PPFIA2: variants seen among roughly 807,000 people sequenced by gnomAD.
PPFIA2 encodes PPFI scaffold protein A2, also known as liprin-alpha-2.
PPFIA2 carries 46 observed loss-of-function variants against 175.5 expected under a neutral mutation model. That is an observed-to-expected ratio of 0.26 (90% CI 0.21 to 0.34). The LOEUF (loss-of-function observed/expected upper bound fraction) is 0.34. PPFIA2 is among the 10% of genes least tolerant of loss of function. The pLI, the probability that PPFIA2 is intolerant of heterozygous loss-of-function variation, is 1.00. For missense variants in PPFIA2, 1,179 were observed against 1,506.1 expected (o/e 0.78, Z 3.60); for synonymous variants, 568 against 511.4 (o/e 1.11, Z -1.49).
intron 8 of PPFIA2, among the ~76,000 whole-genome samples, chr12:81,386,552 G>A (rs968902971): frequency 6.6e-6 from 1 of 151,494 alleles, no homozygotes; most frequent in African/African-American, 2.4e-5. Flanking sequence ...AGCCCAGAAG[G>A]TCCAGGTTGT....
chr12:81,584,316 T>A (rs969850770), intron 4 of PPFIA2, among the ~76,000 whole-genome samples: 3 of 151,916 alleles, frequency 2.0e-5, no homozygotes, highest in Non-Finnish European at 4.4e-5. Flanking sequence ...TAATGTATAA[T>A]ATTTTATTTA....
At chr12:81,342,373 A>G (rs997498269) in intron 19 of PPFIA2, among the ~76,000 whole-genome samples, 6 of 152,114 alleles carry the variant, frequency 3.9e-5, no homozygotes. Flanking sequence ...TAGTATGGCT[A>G]AACAAAAATT....
At chr12:81,530,408 TCTC>T (rs2064344739) in intron 4 of PPFIA2, among the ~76,000 whole-genome samples, 1 of 151,874 alleles carries the variant, frequency 6.6e-6, no homozygotes, top group Non-Finnish European at 1.5e-5. Context: ...TTAAATACTC[TCTC>T]CTAAGAGCCA....
chr12:81,493,702 A>G (rs1042766161), intron 4 of PPFIA2, among the ~76,000 whole-genome samples: 1 of 148,534 alleles, frequency 6.7e-6, no homozygotes, highest in African/African-American at 2.5e-5. Flanking sequence ...GAAGGTAACT[A>G]GTAGCACAGA....
At chr12:81,629,245 T>G (rs2063085489) in intron 4 of PPFIA2, among the ~76,000 whole-genome samples, 1 of 152,140 alleles carries the variant, frequency 6.6e-6, no homozygotes, top group African/African-American at 2.4e-5. Flanking sequence ...TGAATGAGCT[T>G]CAATATTATA....
At chr12:81,302,818 T>C in intron 22 of PPFIA2, 1 of 347,158 alleles carries the variant, frequency 2.9e-6, no homozygotes, top group East Asian at 7.6e-5. Flanking sequence ...ATAAAAGGCA[T>C]ATATCTAGGC....
chr12:81,502,417 T>C (rs981012006), intron 4 of PPFIA2, among the ~76,000 whole-genome samples: 1 of 152,214 alleles, frequency 6.6e-6, no homozygotes, highest in Admixed American at 6.5e-5. Context: ...AATATTAGTA[T>C]GTGGTATTTC....
intron 4 of PPFIA2, among the ~76,000 whole-genome samples, chr12:81,655,216 A>G (rs1487485890): frequency 6.6e-6 from 1 of 151,882 alleles, no homozygotes; most frequent in Non-Finnish European, 1.5e-5. Context: ...TGAACCCGCC[A>G]GAGAGTTGTC....
At position 81,374,731 on chromosome 12, in the gene PPFIA2, T is replaced by A. The variant is rs1173934499; in HGVS notation, c.1169A>T (p.Glu390Val). 1 of 1,613,092 alleles carries A rather than the reference T, an allele frequency of 6.2e-7. No individual in the cohort carries two copies. Among genetic ancestry groups the A allele is most frequent in the African/African-American group, 1.3e-5 (1 of 74,860 alleles). The change falls in exon 11 of 33, where the codon GAG becomes GTG. Residue 390 changes from glutamate to valine, a missense_variant. By Grantham distance (121) the Glu-to-Val change is moderately radical. Around this residue, in one of 10 missense-constraint regions of PPFIA2, gnomAD observed 226 missense variants for 216.6 expected, o/e 1.04. Transcript: ENST00000549396. ...EKNRQLQERLELAEQKLQQTM... is the reference protein window; with the variant it reads ...EKNRQLQERLVLAEQKLQQTM... Reference sequence around the variant, plus strand: ...CTGCTGCAACTTTTGTTCAGCTAGCTCAAGACGTTCTTGTAACTGTCTGTT... The same window carrying A: ...CTGCTGCAACTTTTGTTCAGCTAGCACAAGACGTTCTTGTAACTGTCTGTT...
At chr12:81,281,747 T>C (rs2042136203) in intron 26 of PPFIA2, among the ~76,000 whole-genome samples, 1 of 152,098 alleles carries the variant, frequency 6.6e-6, no homozygotes, top group Non-Finnish European at 1.5e-5. Flanking sequence ...CTCTGAGCTT[T>C]AAGATTCTGT....
At chr12:81,375,742 T>C (rs2036219850) in intron 10 of PPFIA2, 54 bp downstream of exon 10, 3 of 1,516,760 alleles carry the variant, frequency 2.0e-6, no homozygotes, top group South Asian at 2.3e-5. Context: ...CTCCGTTTTG[T>C]GAGAATGATG....
chr12:81,533,918 T>C (rs1438725489), intron 4 of PPFIA2, among the ~76,000 whole-genome samples: 1 of 151,458 alleles, frequency 6.6e-6, no homozygotes, highest in Non-Finnish European at 1.5e-5. Flanking sequence ...GCTAGTTTTT[T>C]TACCAAAATA....
intron 22 of PPFIA2, among the ~76,000 whole-genome samples, chr12:81,323,183 C>A (rs942814363): frequency 9.2e-5 from 14 of 151,712 alleles, no homozygotes; most frequent in African/African-American, 3.4e-4. Context: ...ACTGTCAATT[C>A]TAAATAGCTG....
chr12:81,504,143 A>C (rs1286898042), intron 4 of PPFIA2, among the ~76,000 whole-genome samples: 1 of 152,108 alleles, frequency 6.6e-6, no homozygotes, highest in African/African-American at 2.4e-5. Flanking sequence ...GTCTTAATCA[A>C]TGCAAAATTC....
At chr12:81,474,093 G>A (rs2057151137) in intron 4 of PPFIA2, among the ~76,000 whole-genome samples, 1 of 151,932 alleles carries the variant, frequency 6.6e-6, no homozygotes, top group Admixed American at 6.6e-5. Context: ...TTAACACCAA[G>A]GTAGGAAAAT....
At chr12:81,659,517 G>T (rs1039844970) in intron 4 of PPFIA2, among the ~76,000 whole-genome samples, 3 of 152,316 alleles carry the variant, frequency 2.0e-5, no homozygotes, top group African/African-American at 7.2e-5. Flanking sequence ...AGGGGCGCCC[G>T]CCATTGCTGA....
intron 4 of PPFIA2, among the ~76,000 whole-genome samples, chr12:81,567,496 T>C (rs2071583919): frequency 6.6e-6 from 1 of 152,214 alleles, no homozygotes; most frequent in Admixed American, 6.5e-5. Flanking sequence ...ATGTGATTAG[T>C]GGATTTGGGG....
chr12:81,325,084 G>T (rs1594823134), intron 22 of PPFIA2, among the ~76,000 whole-genome samples: 1 of 151,434 alleles, frequency 6.6e-6, no homozygotes, highest in East Asian at 1.9e-4. Context: ...TTGAGAAGAA[G>T]GAAAAGAAAT....
At position 81,374,825 on chromosome 12, in the gene PPFIA2, C is replaced by T. The variant is rs918294651; in HGVS notation, c.1132-57G>A. 4 of 1,508,622 alleles carry T rather than the reference C, an allele frequency of 2.7e-6. No homozygotes were observed. In the African/African-American group the frequency reaches 5.6e-5, roughly 21 times the overall value. 93.5% of individuals were successfully genotyped at this position (1,508,622 alleles called of 1,614,324 possible). On this transcript the variant is annotated intron_variant, in intron 10 of 32. Transcript: ENST00000549396. ...AGAGTCAGAGTTTGGATAGCAAACA[C>T]CAGTCGCCAGGGGCTTTGCACTTCA...
Sources: gnomAD v4.1 joint callset for allele counts (sites outside exome capture counted in the v4.1 genomes callset) on GRCh38, gnomAD v4.1.1 for gene constraint, gnomAD v4.1.1 regional missense constraint, MANE v1.5 for transcripts, NCBI Gene and HGNC (gene_info 2026-07-23, HGNC 2026-07-21) for gene names.